MCFD2: variants seen among roughly 807,000 people sequenced by gnomAD.
MCFD2 encodes multiple coagulation factor deficiency protein 2.
In MCFD2, 11 loss-of-function variants were observed where a neutral mutation model predicts 12.8. The observed-to-expected ratio is 0.86, with a 90% CI of 0.54 to 1.42. The LOEUF is 1.42. MCFD2 is among the 40% of genes most tolerant of loss of function. The pLI, the probability that MCFD2 is intolerant of heterozygous loss-of-function variation, is 0.00. For synonymous variants in MCFD2, 70 were observed against 68.1 expected (o/e 1.03, Z -0.14); for missense variants, 191 against 178.6 (o/e 1.07, Z -0.40).
intron 1 of MCFD2, among the ~76,000 whole-genome samples, chr2:46,928,172 G>T (rs150015547): frequency 6.6e-6 from 1 of 151,968 alleles, no homozygotes; most frequent in Admixed American, 6.6e-5. Context: ...GATTACAGGC[G>T]TGAGTCATTG....
At chr2:46,926,367 G>C (rs1403248768) in intron 1 of MCFD2, among the ~76,000 whole-genome samples, 2 of 152,174 alleles carry the variant, frequency 1.3e-5, no homozygotes, top group African/African-American at 2.4e-5. Flanking sequence ...AGTCTAGATG[G>C]GGAGAGAATG....
chr2:46,931,799 G>C (rs965121611), intron 1 of MCFD2, among the ~76,000 whole-genome samples: 3 of 152,140 alleles, frequency 2.0e-5, no homozygotes, highest in Non-Finnish European at 4.4e-5. Context: ...CCTTGATTTA[G>C]TTCATAAGAC....
At chr2:46,912,532 G>C (rs1442344727) in intron 1 of MCFD2, 1 of 152,260 alleles carries the variant, frequency 6.6e-6, no homozygotes. Context: ...AAGCCTTTCA[G>C]ACTCATTTAC....
Position 46,941,597 on chromosome 2 carries a change from G to A in MCFD2, c.-33C>T. 6.4e-7 allele frequency: 1 copy of A among 1,557,198 alleles called. No homozygotes were observed. The highest frequency in any genetic ancestry group is 8.7e-7 in the Non-Finnish European group (1 of 1,151,092). ...CTGAAGGTGGAGAGCGAGCTGGAGC[G>A]CTGCCGCGCCGAGGGCCACTGGGAC... On this transcript the variant is annotated 5_prime_UTR_variant, in exon 1 of 3. Transcript: ENST00000409147. This position sits in a 1 kb window ranked among gnomAD's most constrained non-coding sequence, Gnocchi z 4.2.
intron 1 of MCFD2, among the ~76,000 whole-genome samples, chr2:46,935,996 C>T (rs977698125): frequency 8.6e-5 from 13 of 152,042 alleles, no homozygotes; most frequent in African/African-American, 3.1e-4. Context: ...GAGGCTGAGG[C>T]TGGAGGATGG....
chr2:46,919,323 C>T (rs1668979325), upstream of MCFD2, among the ~76,000 whole-genome samples: 2 of 152,200 alleles, frequency 1.3e-5, no homozygotes, highest in African/African-American at 2.4e-5. Flanking sequence ...CACCTCAGGT[C>T]AGGAGTTCGA....
rs1670059935 is a variant in MCFD2 at position 46,937,886 on chromosome 2, G to C, written c.-8+3686C>G. On this transcript the variant is annotated intron_variant, in intron 1 of 2. Transcript: ENST00000409147. This position sits in a 1 kb window ranked among gnomAD's most constrained non-coding sequence, Gnocchi z 4.0. Reference sequence around the variant, plus strand: ...TAATTAGTTCTTTGTCAAGAGAGAAGTCTGTTCAGCAGGTCATGGACTGAA... The same window carrying C: ...TAATTAGTTCTTTGTCAAGAGAGAACTCTGTTCAGCAGGTCATGGACTGAA... Among the ~76,000 whole-genome samples the C allele has an allele frequency of 1.3e-5, 2 of 152,144 alleles. No homozygotes were observed. The highest frequency in any genetic ancestry group is 2.9e-5 in the Non-Finnish European group (2 of 68,024).
intron 1 of MCFD2, among the ~76,000 whole-genome samples, chr2:46,925,355 C>T (rs1045868690): frequency 1.3e-5 from 2 of 151,982 alleles, no homozygotes; most frequent in African/African-American, 2.4e-5. Flanking sequence ...GTCAGGAGTT[C>T]GAGACTAACC....
chr2:46,939,977 G>A (rs937637384), intron 1 of MCFD2, among the ~76,000 whole-genome samples: 3 of 152,146 alleles, frequency 2.0e-5, no homozygotes, highest in African/African-American at 7.2e-5. Flanking sequence ...AGCACCCACC[G>A]TTAGGAAATC....
intron 1 of MCFD2, among the ~76,000 whole-genome samples, chr2:46,914,956 G>A (rs1558466292): frequency 6.6e-6 from 1 of 152,230 alleles, no homozygotes; most frequent in African/African-American, 2.4e-5. Flanking sequence ...CCGTTCAAGA[G>A]CTTGGAAGAG....
chr2:46,927,968 A>G (rs1282052462), intron 1 of MCFD2, among the ~76,000 whole-genome samples: 1 of 131,542 alleles, frequency 7.6e-6, no homozygotes, highest in East Asian at 2.2e-4. Context: ...GTCATGGCTC[A>G]CTGCAGCCTC....
upstream of MCFD2, chr2:46,917,162 AT>A (rs749992204): frequency 2.0e-3 from 1,395 of 695,150 alleles, no homozygotes; most frequent in Non-Finnish European, 3.0e-3. Flanking sequence ...ATAATCCCTA[AT>A]TTTTTTTTCT....
chr2:46,939,735 C>T (rs1392600636), intron 1 of MCFD2, among the ~76,000 whole-genome samples: 3 of 152,196 alleles, frequency 2.0e-5, no homozygotes, highest in Non-Finnish European at 4.4e-5. Context: ...AGTGTGTTCT[C>T]GGGTCACCCT....
chr2:46,909,061 G>A lies in MCFD2; in HGVS notation c.111C>T (p.Gly37=). Residue 37 remains glycine, a synonymous_variant, in exon 2 of 4, where the codon GGC becomes GGT. Transcript: ENST00000319466. ...EEPAASFSQP[G]SMGLDKNTVH... Reference sequence around the variant, plus strand: ...CTGTGTTCTTATCCAGGCCCATGCTGCCGGGTTGGGAGAAGCTGGCTGCAG... The same window carrying A: ...CTGTGTTCTTATCCAGGCCCATGCTACCGGGTTGGGAGAAGCTGGCTGCAG... The A allele has an allele frequency of 6.2e-7, 1 of 1,614,244 alleles. No individual in the cohort carries two copies. The highest frequency in any genetic ancestry group is 8.5e-7 in the Non-Finnish European group (1 of 1,180,046).
intron 1 of MCFD2, among the ~76,000 whole-genome samples, chr2:46,924,626 C>CT (rs1322616067): frequency 7.7e-4 from 114 of 147,576 alleles, no homozygotes; most frequent in African/African-American, 1.7e-3. Context: ...TGGATATTTT[C>CT]TTTTTTTTTT....
upstream of MCFD2, among the ~76,000 whole-genome samples, chr2:46,917,851 C>G (rs182239775): frequency 2.7e-3 from 404 of 152,320 alleles, 1 homozygote; most frequent in Admixed American, 4.9e-3. Flanking sequence ...CTCTTGTTTT[C>G]TGACACCACA....
At chr2:46,931,332 C>T (rs564624838) in intron 1 of MCFD2, among the ~76,000 whole-genome samples, 5 of 152,372 alleles carry the variant, frequency 3.3e-5, no homozygotes, top group East Asian at 3.9e-4. Context: ...GCAATCCTCT[C>T]GCCTCAGCTT....
rs6743966 is a variant in MCFD2, at chr2:46,903,388, G to A, written c.*2075C>T. The stretch of plus-strand genomic sequence containing the variant: ...TACCAGTAGATTGGGACCTGCTGAA[G>A]AAATACCCAAAATGTGGAAGTGACT... On this transcript the variant is annotated 3_prime_UTR_variant, in exon 4 of 4. Transcript: ENST00000319466. The A allele has an allele frequency of 0.11, 17,572 of 152,916 alleles. 1,404 individuals carry two copies. Among genetic ancestry groups the A allele is most frequent in the African/African-American group, 0.22 (9,102 of 41,516 alleles). The allele number at this position is 152,916 out of a possible 1,614,324, so 9.5% of individuals were successfully genotyped here. A position where few individuals can be genotyped will look rare whatever the true frequency, so the allele number is the denominator to read the frequency against.
At chr2:46,934,790 T>C (rs1420923683) in intron 1 of MCFD2, among the ~76,000 whole-genome samples, 1,016 of 21,226 alleles carry the variant, frequency 0.048, 134 homozygotes, top group African/African-American at 0.08. Context: ...TACTGCTCTT[T>C]TTTTTTTTTT....
Sources: gnomAD v4.1 joint callset for allele counts (sites outside exome capture counted in the v4.1 genomes callset) on GRCh38, gnomAD v4.1.1 for gene constraint, Gnocchi (gnomAD v3.1) non-coding constraint, MANE v1.5 for transcripts, NCBI Gene and HGNC (gene_info 2026-07-23, HGNC 2026-07-21) for gene names.